Variants in PRKCQ observed in about 807,000 individuals in gnomAD.
The protein encoded by PRKCQ is protein kinase C theta type.
A neutral mutation model predicts 91.2 loss-of-function variants in PRKCQ; 41 were observed. The observed-to-expected ratio is 0.45, with a 90% CI of 0.35 to 0.58. PRKCQ has a LOEUF of 0.58. PRKCQ is among the 20% of genes least tolerant of loss of function. PRKCQ has a pLI of 0.00. For synonymous variants in PRKCQ, 307 were observed against 316.9 expected (o/e 0.97, Z 0.33); for missense variants, 673 against 896.5 (o/e 0.75, Z 3.18).
intron 15 of PRKCQ, among the ~76,000 whole-genome samples, chr10:6,447,406 CAA>C (rs151312430): frequency 1.6e-4 from 19 of 119,526 alleles, no homozygotes; most frequent in African/African-American, 9.6e-5. Flanking sequence ...GACTCCACCT[CAA>C]AAAAAAAAAA....
At chr10:6,478,163 A>G (rs373334304) in intron 12 of PRKCQ, among the ~76,000 whole-genome samples, 2 of 152,230 alleles carry the variant, frequency 1.3e-5, no homozygotes, top group East Asian at 3.8e-4. Flanking sequence ...AAGACGTAAG[A>G]AAATGTTCAA....
chr10:6,394,143 T>C, the PRKCQ span, among the ~76,000 whole-genome samples: 1 of 152,254 alleles, frequency 6.6e-6, no homozygotes, highest in Non-Finnish European at 1.5e-5. Flanking sequence ...TAAATTCTGA[T>C]TAGTTTATAT....
In PRKCQ at chr10:6,428,188, G is replaced by GTCTC. The variant is rs1251453043; in HGVS notation, c.*15_*18dup. ...CCAGGGAGAAGGCAAATTCTTTCCT[G>GTCTC]TCTCTGGAGGGGCAAGATTCAGGAT... On this transcript the variant is annotated 3_prime_UTR_variant, in exon 18 of 18. Transcript: ENST00000263125. 5 of 1,614,054 alleles carry GTCTC rather than the reference G, an allele frequency of 3.1e-6. No individual in the cohort carries two copies. The highest frequency in any genetic ancestry group is 1.3e-5 in the African/African-American group (1 of 75,044).
At chr10:6,532,098 G>A (rs373113484) in intron 1 of PRKCQ, among the ~76,000 whole-genome samples, 27 of 152,136 alleles carry the variant, frequency 1.8e-4, no homozygotes, top group Admixed American at 6.5e-4. Context: ...TACATATGCC[G>A]AAGGATTGTT....
intron 15 of PRKCQ, among the ~76,000 whole-genome samples, chr10:6,447,263 C>T (rs773522272): frequency 6.6e-6 from 1 of 151,876 alleles, no homozygotes; most frequent in African/African-American, 2.4e-5. Flanking sequence ...ATAAATTAGC[C>T]GGGCATGGTG....
Position 6,462,314 on chromosome 10 carries a change from T to C in PRKCQ, c.1497A>G (p.Gly499=). 6.2e-7 allele frequency: 1 copy of C among 1,613,836 alleles called. No individual in the cohort carries two copies. Among genetic ancestry groups the C allele is most frequent in the Non-Finnish European group, 8.5e-7 (1 of 1,179,834 alleles). The stretch of plus-strand genomic sequence containing the variant: ...AAAGCAAAATTTACCTGTAGACTAT[T>C]CCTTTGGAATGAAGGAACTGCAGAC... The part of the protein sequence containing the change: ...ILGLQFLHSK[G]IVYRDLKLDN... The change falls in exon 14 of 18, where the codon GGA becomes GGG. Residue 499 remains glycine, a synonymous_variant. Transcript: ENST00000263125.
chr10:6,579,055 G>A (rs898219342), intron 1 of PRKCQ, among the ~76,000 whole-genome samples: 1 of 152,226 alleles, frequency 6.6e-6, no homozygotes, highest in East Asian at 1.9e-4. Context: ...CTCTCACGGA[G>A]CCTCACGAAT....
At chr10:6,466,602 G>T (rs1413521436) in intron 12 of PRKCQ, among the ~76,000 whole-genome samples, 2 of 152,202 alleles carry the variant, frequency 1.3e-5, no homozygotes, top group African/African-American at 2.4e-5. Context: ...AAACTACACA[G>T]TCCAGAGGTT....
intron 10 of PRKCQ, among the ~76,000 whole-genome samples, chr10:6,484,246 T>G (rs1312854724): frequency 1.3e-5 from 2 of 152,166 alleles, no homozygotes; most frequent in Non-Finnish European, 2.9e-5. Context: ...AAGCCCCATC[T>G]CTACTAAAAT....
Position 6,488,396 on chromosome 10 carries a change from T to C in PRKCQ, c.791-2252A>G, listed in dbSNP as rs929324722. On this transcript the variant is annotated intron_variant, in intron 8 of 17. Transcript: ENST00000263125. Reference sequence around the variant, plus strand: ...ATGTAAATAACTATTACTTTTTTTTTTTTTTTTGACATGGAGTCTCGCTGT... The same window carrying C: ...ATGTAAATAACTATTACTTTTTTTTCTTTTTTTGACATGGAGTCTCGCTGT... Among the ~76,000 whole-genome samples, 812 of 152,110 alleles carry C rather than the reference T, an allele frequency of 5.3e-3. 8 individuals are homozygous for C. Among genetic ancestry groups the C allele is most frequent in the African/African-American group, 0.018 (764 of 41,502 alleles).
rs143723595 is a variant in PRKCQ at position 6,473,145 on chromosome 10, C to T, written c.1353+5847G>A. ...TGTAAAAGATGTTAAATGTCCCTTT[C>T]CCAAAAAGAAACACTGCCTGTAACC... On this transcript the variant is annotated intron_variant, in intron 12 of 17. Coordinates refer to ENST00000263125, the MANE Select transcript of PRKCQ (RefSeq NM_006257.5). 6.9e-4 allele frequency among the ~76,000 whole-genome samples: 105 copies of T among 152,322 alleles called. 1 individual carries two copies. The highest frequency in any genetic ancestry group is 1.2e-3 in the Non-Finnish European group (85 of 68,026).
chr10:6,465,799 G>A lies in PRKCQ; in HGVS notation c.1354-1395C>T, dbSNP rs112537679. ...ATAATCCAGGTCAAGGTAAGCATCC[G>A]TCTTTTTTCAATGTTAGTTTCCGAT... On this transcript the variant is annotated intron_variant, in intron 12 of 17. Transcript: ENST00000263125. This position sits in a 1 kb window ranked among gnomAD's most constrained non-coding sequence, Gnocchi z 4.4. Among the ~76,000 whole-genome samples the A allele has an allele frequency of 1.7e-3, 258 of 152,320 alleles. No homozygotes were observed. The highest frequency in any genetic ancestry group is 3.1e-3 in the Non-Finnish European group (208 of 68,028).
intron 1 of PRKCQ, among the ~76,000 whole-genome samples, chr10:6,525,605 A>C (rs544806538): frequency 1.3e-5 from 2 of 152,342 alleles, no homozygotes. Flanking sequence ...AATCCTTAGC[A>C]GGTATCTTGA....
rs1841418423 is a variant in PRKCQ at position 6,580,201 on chromosome 10, G to A, written c.-10+10C>T. ...CCCTCCCGGCGGCGGCGCGGGGCGCGGGGCCCTACCTGGAGCGAGCACGGC... is the reference window on the plus strand; with the variant it reads ...CCCTCCCGGCGGCGGCGCGGGGCGCAGGGCCCTACCTGGAGCGAGCACGGC... On this transcript the variant is annotated intron_variant, in intron 1 of 17. Coordinates refer to ENST00000263125, the MANE Select transcript of PRKCQ (RefSeq NM_006257.5). The A allele has an allele frequency of 6.5e-6, 1 of 152,936 alleles. No homozygotes were observed. The highest frequency in any genetic ancestry group is 6.6e-5 in the Admixed American group (1 of 15,262). 9.5% of individuals were successfully genotyped at this position (152,936 alleles called of 1,614,324 possible).
chr10:6,406,269 T>C, the PRKCQ span, among the ~76,000 whole-genome samples: 1 of 152,282 alleles, frequency 6.6e-6, no homozygotes. Context: ...CTTTTTAAAA[T>C]TCAGAACTGT....
chr10:6,515,557 G>A, intron 1 of PRKCQ: 1 of 966,960 alleles, frequency 1.0e-6, no homozygotes, highest in Admixed American at 6.1e-5. Context: ...GTCTATTTTA[G>A]TCACACTAGT....
chr10:6,516,550 G>T (rs753500629), intron 1 of PRKCQ, among the ~76,000 whole-genome samples: 1 of 152,176 alleles, frequency 6.6e-6, no homozygotes, highest in Non-Finnish European at 1.5e-5. Flanking sequence ...GTTTCTTTGA[G>T]AATCCCTTCT....
intron 1 of PRKCQ, among the ~76,000 whole-genome samples, chr10:6,530,342 A>G (rs986583111): frequency 2.0e-5 from 3 of 152,158 alleles, no homozygotes; most frequent in East Asian, 1.9e-4. Context: ...CTGTCCTCCT[A>G]TGCTGCTGTG....
intron 4 of PRKCQ, among the ~76,000 whole-genome samples, chr10:6,499,956 G>A (rs886616308): frequency 2.6e-5 from 4 of 152,194 alleles, no homozygotes; most frequent in South Asian, 2.1e-4. Context: ...TGTAGTGTCC[G>A]CAGATTTGTT....
Sources: allele counts gnomAD v4.1 joint callset (sites outside exome capture counted in the v4.1 genomes callset), GRCh38; gene constraint gnomAD v4.1.1; non-coding constraint Gnocchi (gnomAD v3.1); transcripts MANE v1.5; gene names NCBI Gene and HGNC (gene_info 2026-07-23, HGNC 2026-07-21).